Variants in MAP4K3 observed in about 807,000 individuals in gnomAD.
The protein encoded by MAP4K3 is mitogen-activated protein kinase kinase kinase kinase 3, also known as MAPK/ERK kinase kinase kinase 3.
MAP4K3 carries 94 observed loss-of-function variants against 143.5 expected under a neutral mutation model. The ratio of observed to expected loss-of-function variants is 0.65; its 90% CI spans 0.55 to 0.78. MAP4K3 has a LOEUF of 0.78. MAP4K3 is among the 30% of genes least tolerant of loss of function. MAP4K3 has a pLI of 0.00. For missense variants in MAP4K3, 1,077 were observed against 1,068.1 expected (o/e 1.01, Z -0.12); for synonymous variants, 416 against 347.2 (o/e 1.20, Z -2.20).
At chr2:39,377,610 G>A (rs980286125) in intron 2 of MAP4K3, among the ~76,000 whole-genome samples, 3 of 152,106 alleles carry the variant, frequency 2.0e-5, no homozygotes, top group African/African-American at 7.2e-5. Flanking sequence ...TACAGAATGT[G>A]GAAGCTAGAT....
intron 1 of MAP4K3, among the ~76,000 whole-genome samples, chr2:39,378,836 G>A (rs937431178): frequency 6.6e-6 from 1 of 151,278 alleles, no homozygotes; most frequent in Admixed American, 6.6e-5. Context: ...GTATAATTAT[G>A]TATATAAGTA....
chr2:39,327,433 C>A (rs1028791956), intron 8 of MAP4K3, among the ~76,000 whole-genome samples: 6 of 152,014 alleles, frequency 3.9e-5, no homozygotes, highest in African/African-American at 1.4e-4. Flanking sequence ...ATTATACTTC[C>A]ATAAATTTGA....
intron 3 of MAP4K3, among the ~76,000 whole-genome samples, chr2:39,354,645 G>C (rs1006709527): frequency 6.6e-6 from 1 of 150,716 alleles, no homozygotes; most frequent in Non-Finnish European, 1.5e-5. Flanking sequence ...CTGGGCAACA[G>C]AGTGAGACTC....
rs1447182839 is a variant in MAP4K3 at position 39,258,504 on chromosome 2, T to C, written c.2377+15A>G. ...AAGTCTTATTAAAGTAAGACATTCA[T>C]AAATAAAAACTTACAGTCCAAGCAT... On this transcript the variant is annotated intron_variant, in intron 30 of 33. Coordinates refer to ENST00000263881, the MANE Select transcript of MAP4K3 (RefSeq NM_003618.4). 2.5e-6 allele frequency: 4 copies of C among 1,610,312 alleles called. No homozygotes were observed. Among genetic ancestry groups the C allele is most frequent in the East Asian group, 4.5e-5 (2 of 44,846 alleles).
chr2:39,400,974 A>T (rs2148607246), intron 1 of MAP4K3, among the ~76,000 whole-genome samples: 1 of 152,242 alleles, frequency 6.6e-6, no homozygotes, highest in Admixed American at 6.5e-5. Flanking sequence ...AAATACAAGA[A>T]TCACTGTAGT....
At chr2:39,295,072 T>TA (rs1367107121) in intron 16 of MAP4K3, among the ~76,000 whole-genome samples, 2 of 152,028 alleles carry the variant, frequency 1.3e-5, no homozygotes, top group Admixed American at 6.5e-5. Context: ...TACTTTTTTT[T>TA]ACTAATATTA....
intron 15 of MAP4K3, among the ~76,000 whole-genome samples, chr2:39,304,744 A>G (rs777449572): frequency 1.2e-4 from 19 of 152,208 alleles, no homozygotes; most frequent in Non-Finnish European, 1.8e-4. Flanking sequence ...ACTCAAACAG[A>G]TATTTGTATA....
intron 26 of MAP4K3, among the ~76,000 whole-genome samples, chr2:39,270,414 T>G (rs1680964712): frequency 6.6e-6 from 1 of 152,320 alleles, no homozygotes; most frequent in South Asian, 2.1e-4. Flanking sequence ...GTATTTAACA[T>G]AGGATATTTT....
intron 2 of MAP4K3, among the ~76,000 whole-genome samples, chr2:39,357,025 T>C (rs1165972821): frequency 6.6e-6 from 1 of 152,196 alleles, no homozygotes; most frequent in Admixed American, 6.5e-5. Flanking sequence ...TTATCCTGTA[T>C]TTGAGTGCCT....
chr2:39,316,585 GA>G (rs1452586170), intron 12 of MAP4K3, among the ~76,000 whole-genome samples: 1 of 152,006 alleles, frequency 6.6e-6, no homozygotes, highest in Non-Finnish European at 1.5e-5. Flanking sequence ...TAAAAAAGGA[GA>G]AAGGGATTGC....
rs1680534815 is a variant in MAP4K3, at chr2:39,260,717, G to GCAT, written c.2196_2197insATG (p.Glu732_Gln733insMet). On this transcript the variant is annotated inframe_insertion, in exon 29 of 34. Transcript: ENST00000263881. ...CCAACACAAACTAAAGGGTACTCCT[G>GCAT]TTCAGGAACTACCAGCATTTCAAAC... 6.2e-7 allele frequency: 1 copy of GCAT among 1,613,458 alleles called. No individual in the cohort carries two copies. Among genetic ancestry groups the GCAT allele is most frequent in the African/African-American group, 1.3e-5 (1 of 74,896 alleles).
chr2:39,398,954 G>T (rs1054597685), intron 1 of MAP4K3, among the ~76,000 whole-genome samples: 33 of 149,388 alleles, frequency 2.2e-4, no homozygotes, highest in African/African-American at 7.9e-4. Context: ...TGAGGCAGGA[G>T]AATCGCTTGA....
chr2:39,275,654 T>C (rs1319322214), intron 24 of MAP4K3, among the ~76,000 whole-genome samples: 1 of 152,190 alleles, frequency 6.6e-6, no homozygotes, highest in Non-Finnish European at 1.5e-5. Flanking sequence ...TTACTAATTA[T>C]TATAATTACA....
chr2:39,278,725 A>G (rs1573087079), intron 23 of MAP4K3, among the ~76,000 whole-genome samples: 1 of 152,242 alleles, frequency 6.6e-6, no homozygotes, highest in Middle Eastern at 3.2e-3. Flanking sequence ...AGAGTGGCAT[A>G]GTAGATTCTT....
intron 1 of MAP4K3, among the ~76,000 whole-genome samples, chr2:39,415,337 G>T (rs1667341959): frequency 6.6e-6 from 1 of 152,124 alleles, no homozygotes; most frequent in Non-Finnish European, 1.5e-5. Flanking sequence ...TAAAATAATG[G>T]GAATTCTCAG....
At chr2:39,338,863 T>A (rs527765931) in intron 4 of MAP4K3, among the ~76,000 whole-genome samples, 9 of 152,362 alleles carry the variant, frequency 5.9e-5, no homozygotes, top group African/African-American at 2.2e-4. Context: ...AATGGGTCCT[T>A]GCCAGACACC....
At chr2:39,275,959 G>A (rs953447543) in intron 24 of MAP4K3, among the ~76,000 whole-genome samples, 3 of 152,004 alleles carry the variant, frequency 2.0e-5, no homozygotes, top group African/African-American at 7.2e-5. Flanking sequence ...TGCAACCTCC[G>A]CCTCCCGGGT....
At chr2:39,265,428 T>C in intron 27 of MAP4K3, 122 bp from the exon 28 acceptor site, 2 of 737,328 alleles carry the variant, frequency 2.7e-6, no homozygotes, top group South Asian at 1.5e-5. Context: ...CAAAAGCTGG[T>C]TGCCAGTTCA....
intron 3 of MAP4K3, among the ~76,000 whole-genome samples, chr2:39,352,853 T>G (rs1379356043): frequency 6.6e-6 from 1 of 152,178 alleles, no homozygotes; most frequent in Non-Finnish European, 1.5e-5. Context: ...CAAACTACAT[T>G]TGCTCAGTTT....
Sources: gnomAD v4.1 joint callset for allele counts (sites outside exome capture counted in the v4.1 genomes callset) on GRCh38, gnomAD v4.1.1 for gene constraint, MANE v1.5 for transcripts, NCBI Gene and HGNC (gene_info 2026-07-23, HGNC 2026-07-21) for gene names.